The following PRKCQ variants were observed in gnomAD, a reference collection of about 807,000 sequenced individuals.
The protein encoded by PRKCQ is protein kinase C theta, also known as protein kinase C theta type.
A neutral mutation model predicts 91.2 loss-of-function variants in PRKCQ; 41 were observed. The observed-to-expected ratio is 0.45, with a 90% CI of 0.35 to 0.58. The LOEUF (loss-of-function observed/expected upper bound fraction) is 0.58. Among genes scored for constraint, PRKCQ ranks in the 20% least tolerant of loss-of-function variants. The probability of loss-of-function intolerance (pLI) is 0.00; values close to 1 mark genes in which losing one functional copy is unlikely to be tolerated. For synonymous variants in PRKCQ, 307 were observed against 316.9 expected (o/e 0.97, Z 0.33); for missense variants, 673 against 896.5 (o/e 0.75, Z 3.18).
Position 6,485,134 on chromosome 10 carries a change from G to A in PRKCQ, c.1018+18C>T, listed in dbSNP as rs916459948. 4 of 1,591,354 alleles carry A rather than the reference G, an allele frequency of 2.5e-6. No individual in the cohort carries two copies. Among genetic ancestry groups the A allele is most frequent in the Non-Finnish European group, 3.4e-6 (4 of 1,159,840 alleles). On this transcript the variant is annotated intron_variant, in intron 10 of 17. Coordinates refer to ENST00000263125, the MANE Select transcript of PRKCQ (RefSeq NM_006257.5). ...ATTAATGACTGACAGTGATTAGACTGCTGATCAGGACAGCTACCTCTTTTT... is the reference window on the plus strand; with the variant it reads ...ATTAATGACTGACAGTGATTAGACTACTGATCAGGACAGCTACCTCTTTTT...
chr10:6,485,649 G>C (rs1345270884), intron 9 of PRKCQ, among the ~76,000 whole-genome samples: 1 of 152,178 alleles, frequency 6.6e-6, no homozygotes, highest in Non-Finnish European at 1.5e-5. Context: ...ACAGTAAACA[G>C]CAGGCCAAAT....
chr10:6,469,549 G>A lies in PRKCQ; in HGVS notation c.1354-5145C>T, dbSNP rs79458530. Reference sequence around the variant, plus strand: ...CCTCTTGCTTGGGTCTAAGGTTTAGGACATGGAATGAACAATTTTCCAATT... The same window carrying A: ...CCTCTTGCTTGGGTCTAAGGTTTAGAACATGGAATGAACAATTTTCCAATT... On this transcript the variant is annotated intron_variant, in intron 12 of 17. Coordinates refer to ENST00000263125, the MANE Select transcript of PRKCQ (RefSeq NM_006257.5). Among the ~76,000 whole-genome samples, 3 of 152,298 alleles carry A rather than the reference G, an allele frequency of 2.0e-5. No homozygotes were observed. The South Asian group carries it at 6.2e-4, about 32-fold the overall frequency.
intron 1 of PRKCQ, among the ~76,000 whole-genome samples, chr10:6,557,222 A>G (rs1038834884): frequency 1.3e-5 from 2 of 151,948 alleles, no homozygotes; most frequent in African/African-American, 4.8e-5. Flanking sequence ...CCTCTGCCAT[A>G]TGGATTCCTC....
the PRKCQ span, among the ~76,000 whole-genome samples, chr10:6,416,349 CT>C: frequency 0.23 from 33,247 of 147,232 alleles, 3,991 homozygotes; most frequent in Non-Finnish European, 0.28. Flanking sequence ...CTGTGCAGAC[CT>C]TTGTCCCTCA....
At chr10:6,558,056 T>A (rs925901816) in intron 1 of PRKCQ, among the ~76,000 whole-genome samples, 1 of 152,168 alleles carries the variant, frequency 6.6e-6, no homozygotes, top group African/African-American at 2.4e-5. Context: ...ACGCTGCCTT[T>A]TCCACCCCTA....
chr10:6,429,131 C>T (rs2132221197), intron 17 of PRKCQ, among the ~76,000 whole-genome samples: 1 of 152,312 alleles, frequency 6.6e-6, no homozygotes, highest in South Asian at 2.1e-4. Flanking sequence ...CTCCAAGGGG[C>T]CCTGGGGCTG....
intron 1 of PRKCQ, among the ~76,000 whole-genome samples, chr10:6,536,806 G>T (rs189267964): frequency 1.8e-4 from 28 of 152,304 alleles, no homozygotes; most frequent in African/African-American, 6.3e-4. Flanking sequence ...TTCTGGGTAA[G>T]AACCCTGGGA....
At chr10:6,445,432 T>C (rs1834229022) in intron 15 of PRKCQ, among the ~76,000 whole-genome samples, 2 of 152,190 alleles carry the variant, frequency 1.3e-5, no homozygotes. Context: ...TAATCCCTTA[T>C]TGTGTAGTTT....
chr10:6,526,656 A>G (rs1338048626), intron 1 of PRKCQ, among the ~76,000 whole-genome samples: 1 of 151,998 alleles, frequency 6.6e-6, no homozygotes, highest in Non-Finnish European at 1.5e-5. Context: ...GGGAAGGCGG[A>G]TGGGCTGCGT....
At chr10:6,547,434 A>G (rs1368174965) in intron 1 of PRKCQ, among the ~76,000 whole-genome samples, 14 of 152,020 alleles carry the variant, frequency 9.2e-5, no homozygotes, top group African/African-American at 1.5e-4. Context: ...AGTCAATCCT[A>G]AGCCAAAAGA....
the PRKCQ span, among the ~76,000 whole-genome samples, chr10:6,416,553 T>G: frequency 1.6e-3 from 245 of 152,328 alleles, 1 homozygote; most frequent in African/African-American, 5.7e-3. Flanking sequence ...TCATTCCTTT[T>G]TATGGCTGAG....
At chr10:6,404,255 G>GGAGAGAGAGAGAGAGAGAGA in the PRKCQ span, among the ~76,000 whole-genome samples, 8 of 34,366 alleles carry the variant, frequency 2.3e-4, no homozygotes, top group African/African-American at 3.4e-4. Flanking sequence ...GAAGGGGGGG[G>GGAGAGAGAGAGAGAGAGAGA]GAGAGAGAGA....
intron 15 of PRKCQ, among the ~76,000 whole-genome samples, chr10:6,454,133 T>C (rs1834877196): frequency 6.6e-6 from 1 of 152,228 alleles, no homozygotes; most frequent in Non-Finnish European, 1.5e-5. Flanking sequence ...TAGTATAACC[T>C]GATCATATTC....
At chr10:6,534,774 C>CTATATA (rs56075764) in intron 1 of PRKCQ, among the ~76,000 whole-genome samples, 34 of 142,784 alleles carry the variant, frequency 2.4e-4, no homozygotes, top group African/African-American at 4.3e-4. Context: ...AAACATATAT[C>CTATATA]TATATATATA....
chr10:6,471,568 C>T (rs937883385), intron 12 of PRKCQ, among the ~76,000 whole-genome samples: 1 of 151,426 alleles, frequency 6.6e-6, no homozygotes, highest in African/African-American at 2.4e-5. Context: ...CATGGTGAAA[C>T]CCCATCTCTA....
chr10:6,432,703 T>G (rs1268720795), intron 16 of PRKCQ, among the ~76,000 whole-genome samples: 1 of 152,190 alleles, frequency 6.6e-6, no homozygotes, highest in Non-Finnish European at 1.5e-5. Context: ...TGGAGAGTTC[T>G]GACATCCTCG....
At chr10:6,530,172 C>T (rs148524988) in intron 1 of PRKCQ, among the ~76,000 whole-genome samples, 2 of 152,254 alleles carry the variant, frequency 1.3e-5, no homozygotes, top group South Asian at 2.1e-4. Context: ...TCCTAGGGCG[C>T]GGTCAGAGAA....
chr10:6,507,670 G>T (rs1246176236), intron 3 of PRKCQ, among the ~76,000 whole-genome samples, 174 bp from the exon 4 acceptor site: 4 of 152,156 alleles, frequency 2.6e-5, no homozygotes, highest in Non-Finnish European at 5.9e-5. Context: ...CGTGACAATC[G>T]CCTTTCTTTT....
downstream of PRKCQ, among the ~76,000 whole-genome samples, chr10:6,423,312 C>T (rs1407163732): frequency 2.6e-5 from 4 of 152,190 alleles, no homozygotes; most frequent in African/African-American, 7.2e-5. Context: ...CACAGGCACA[C>T]GCATGCCCCA....
Sources: gnomAD v4.1 joint callset for allele counts (sites outside exome capture counted in the v4.1 genomes callset) on GRCh38, gnomAD v4.1.1 for gene constraint, MANE v1.5 for transcripts, NCBI Gene and HGNC (gene_info 2026-07-23, HGNC 2026-07-21) for gene names.